Variants in ZCCHC7 observed in about 807,000 individuals in gnomAD.
ZCCHC7 encodes zinc finger CCHC-type containing 7, also known as zinc finger CCHC domain-containing protein 7.
A neutral mutation model predicts 52.0 loss-of-function variants in ZCCHC7; 35 were observed. The ratio of observed to expected loss-of-function variants is 0.67; its 90% CI spans 0.51 to 0.89. The LOEUF (loss-of-function observed/expected upper bound fraction) is 0.89, where lower values mean the gene tolerates loss of function less well. Among genes scored for constraint, ZCCHC7 ranks in the 40% least tolerant of loss-of-function variants. The pLI is 0.00. For missense variants in ZCCHC7, 574 were observed against 649.1 expected (o/e 0.88, Z 1.26); for synonymous variants, 217 against 221.5 (o/e 0.98, Z 0.18).
chr9:37,258,137 C>A (rs1182932655), intron 2 of ZCCHC7, among the ~76,000 whole-genome samples: 1 of 152,090 alleles, frequency 6.6e-6, no homozygotes. Context: ...TCTCATCATA[C>A]CCCCCTTGAG....
intron 2 of ZCCHC7, among the ~76,000 whole-genome samples, chr9:37,301,256 G>T (rs2133690993): frequency 6.6e-6 from 1 of 152,280 alleles, no homozygotes. Flanking sequence ...CACACTTGAA[G>T]GAGCACTCAA....
At chr9:37,298,248 C>A (rs1468955587) in intron 2 of ZCCHC7, among the ~76,000 whole-genome samples, 1 of 152,092 alleles carries the variant, frequency 6.6e-6, no homozygotes, top group Non-Finnish European at 1.5e-5. Context: ...CAAATGGGGG[C>A]AAAGTGTAAA....
chr9:37,136,576 A>T (rs1360279959), intron 2 of ZCCHC7, among the ~76,000 whole-genome samples: 1 of 151,486 alleles, frequency 6.6e-6, no homozygotes, highest in Admixed American at 6.6e-5. Context: ...TCCTACCTCA[A>T]CCTCCCAGGT....
At position 37,357,412 on chromosome 9, in the gene ZCCHC7, C is replaced by T. The variant is rs1242509660; in HGVS notation, c.*144C>T. ...TTAATTTCAGCCATTCCTAGAGTTA[C>T]TGAATATCCATGGAGATCTCAATTC... On this transcript the variant is annotated 3_prime_UTR_variant, in exon 9 of 9. Coordinates refer to ENST00000336755, the MANE Select transcript of ZCCHC7 (RefSeq NM_032226.3). The T allele has an allele frequency of 1.4e-6, 1 of 695,514 alleles. No individual in the cohort carries two copies. The allele number at this position is 695,514 out of a possible 1,614,324, so 43.1% of individuals were successfully genotyped here.
At chr9:37,329,727 T>C (rs1178791499) in intron 6 of ZCCHC7, among the ~76,000 whole-genome samples, 2 of 151,880 alleles carry the variant, frequency 1.3e-5, no homozygotes, top group East Asian at 1.9e-4. Context: ...AAAAACAAGA[T>C]GCATGATGAT....
chr9:37,152,833 G>A (rs1820604986), intron 2 of ZCCHC7, among the ~76,000 whole-genome samples: 1 of 152,164 alleles, frequency 6.6e-6, no homozygotes. Context: ...TTCTTTGGAA[G>A]GAAGTCACTA....
At chr9:37,140,940 CTCT>C (rs1042907176) in intron 2 of ZCCHC7, among the ~76,000 whole-genome samples, 17 of 151,914 alleles carry the variant, frequency 1.1e-4, no homozygotes, top group Non-Finnish European at 2.2e-4. Flanking sequence ...TCTTTTCTTC[CTCT>C]TCTTTTAGAT....
chr9:37,302,605 G>C (rs1194264584), intron 3 of ZCCHC7, among the ~76,000 whole-genome samples: 1 of 152,214 alleles, frequency 6.6e-6, no homozygotes, highest in African/African-American at 2.4e-5. Flanking sequence ...AATTGTGGCA[G>C]ATGCTACAAA....
intron 2 of ZCCHC7, among the ~76,000 whole-genome samples, chr9:37,274,486 C>T (rs895833243): frequency 3.3e-5 from 5 of 151,670 alleles, no homozygotes; most frequent in South Asian, 4.2e-4. Context: ...GTCACAGGTG[C>T]GTGCCACCAT....
chr9:37,316,379 G>C (rs1311884129), intron 5 of ZCCHC7, among the ~76,000 whole-genome samples: 1 of 150,018 alleles, frequency 6.7e-6, no homozygotes, highest in Non-Finnish European at 1.5e-5. Flanking sequence ...ATTCTTATAA[G>C]AATCTGGCAC....
Position 37,306,762 on chromosome 9 carries a change from CTTTTTTTTTTTTTTTTTTTTT to C in ZCCHC7, c.951+1070_951+1090del, listed in dbSNP as rs869292704. ...ACAGGCATGAGCCACTGTACCCGAC[CTTTTTTTTTTTTTTTTTTTTT>C]TTTTTTTTTTTTTTTTTTTTTGGAG... On this transcript the variant is annotated intron_variant, in intron 5 of 8. Coordinates refer to ENST00000336755, the MANE Select transcript of ZCCHC7 (RefSeq NM_032226.3). Among the ~76,000 whole-genome samples the C allele has an allele frequency of 7.5e-3, 389 of 52,010 alleles. 13 individuals carry two copies. Among genetic ancestry groups the C allele is most frequent in the Admixed American group, 0.052 (185 of 3,584 alleles). The allele number at this position is 52,010 out of a possible 152,430, so 34.1% of individuals were successfully genotyped here.
At chr9:37,245,819 G>C (rs899282892) in intron 2 of ZCCHC7, among the ~76,000 whole-genome samples, 1 of 152,002 alleles carries the variant, frequency 6.6e-6, no homozygotes, top group Non-Finnish European at 1.5e-5. Context: ...TGTTGTTGCA[G>C]GTTCAGAGAA....
intron 2 of ZCCHC7, among the ~76,000 whole-genome samples, chr9:37,172,966 GC>G (rs1420902001): frequency 1.3e-5 from 2 of 151,512 alleles, no homozygotes; most frequent in Non-Finnish European, 2.9e-5. Context: ...AGCAACGTGG[GC>G]ATTCCAATTG....
chr9:37,133,623 G>A (rs1341141276), intron 2 of ZCCHC7, among the ~76,000 whole-genome samples: 1 of 151,864 alleles, frequency 6.6e-6, no homozygotes, highest in Admixed American at 6.6e-5. Context: ...GAGTCTCGCT[G>A]TGTCACCCAG....
At chr9:37,215,777 A>T (rs1373744222) in intron 2 of ZCCHC7, among the ~76,000 whole-genome samples, 1 of 152,212 alleles carries the variant, frequency 6.6e-6, no homozygotes, top group African/African-American at 2.4e-5. Context: ...GAAGGGCCAT[A>T]CTTAGACTTG....
chr9:37,232,849 T>A (rs1042248357), intron 2 of ZCCHC7, among the ~76,000 whole-genome samples: 3 of 152,154 alleles, frequency 2.0e-5, no homozygotes, highest in Non-Finnish European at 2.9e-5. Context: ...GTAAATATAT[T>A]TTTTTATAAC....
chr9:37,147,652 A>G (rs928460501), intron 2 of ZCCHC7, among the ~76,000 whole-genome samples: 2 of 152,020 alleles, frequency 1.3e-5, no homozygotes, highest in African/African-American at 4.8e-5. Context: ...ACTTTCTTTC[A>G]TAAAAGATAT....
intron 2 of ZCCHC7, among the ~76,000 whole-genome samples, chr9:37,234,974 T>C (rs1423324123): frequency 1.3e-5 from 2 of 152,350 alleles, no homozygotes; most frequent in East Asian, 3.9e-4. Context: ...ATATATTCAA[T>C]TCATATTTGT....
At chr9:37,246,085 G>A (rs1228230884) in intron 2 of ZCCHC7, among the ~76,000 whole-genome samples, 2 of 152,142 alleles carry the variant, frequency 1.3e-5, no homozygotes, top group Non-Finnish European at 2.9e-5. Flanking sequence ...AATAGCAGGG[G>A]TTGGGCAGAT....
Sources: allele counts gnomAD v4.1 joint callset (sites outside exome capture counted in the v4.1 genomes callset), GRCh38; gene constraint gnomAD v4.1.1; transcripts MANE v1.5; gene names NCBI Gene and HGNC (gene_info 2026-07-23, HGNC 2026-07-21).